The following KLF12 variants were observed in gnomAD, a reference collection of about 807,000 sequenced individuals.
The protein encoded by KLF12 is Krueppel-like factor 12.
In KLF12, 9 loss-of-function variants were observed where a neutral mutation model predicts 37.8. That is an observed-to-expected ratio of 0.24 (90% CI 0.14 to 0.42). The LOEUF is 0.42. KLF12 is among the 10% of genes least tolerant of loss of function. The pLI is 1.00. For missense variants in KLF12, 411 were observed against 516.0 expected (o/e 0.80, Z 1.97); for synonymous variants, 208 against 202.1 (o/e 1.03, Z -0.25).
chr13:74,238,857 G>C, the KLF12 span, among the ~76,000 whole-genome samples: 65 of 152,084 alleles, frequency 4.3e-4, no homozygotes, highest in African/African-American at 1.5e-3. Context: ...CTTGCTAGCG[G>C]TCTGTCAATT....
At chr13:73,789,073 C>A (rs1454807331) in intron 5 of KLF12, among the ~76,000 whole-genome samples, 1 of 151,390 alleles carries the variant, frequency 6.6e-6, no homozygotes, top group Non-Finnish European at 1.5e-5. Flanking sequence ...TTTTCATTTT[C>A]CTTTGATGAG....
At chr13:73,778,909 G>A (rs4885120) in intron 5 of KLF12, among the ~76,000 whole-genome samples, 19,919 of 152,114 alleles carry the variant, frequency 0.13, 1,533 homozygotes, top group East Asian at 0.28. Flanking sequence ...GTAGACATAA[G>A]CTAGAATGAC....
intron 3 of KLF12, among the ~76,000 whole-genome samples, chr13:73,847,100 CAG>C (rs1022768257): frequency 6.6e-6 from 1 of 152,012 alleles, no homozygotes; most frequent in African/African-American, 2.4e-5. Flanking sequence ...AGATTTTACC[CAG>C]ACTAATGTGA....
At chr13:74,187,355 G>T in the KLF12 span, among the ~76,000 whole-genome samples, 1 of 151,810 alleles carries the variant, frequency 6.6e-6, no homozygotes, top group African/African-American at 2.4e-5. Context: ...AAAAACAATC[G>T]CAGGCTCAGT....
chr13:74,246,780 A>C, the KLF12 span, among the ~76,000 whole-genome samples: 3 of 152,338 alleles, frequency 2.0e-5, no homozygotes, highest in East Asian at 5.8e-4. Context: ...TAGAAGTCAG[A>C]GGGCTGTGGC....
chr13:74,051,079 C>T (rs943229834), intron 1 of KLF12, among the ~76,000 whole-genome samples: 1 of 152,058 alleles, frequency 6.6e-6, no homozygotes. Context: ...TTTTACACTG[C>T]TGGTGGGAAC....
the KLF12 span, among the ~76,000 whole-genome samples, chr13:74,241,719 GC>G: frequency 2.6e-5 from 4 of 152,180 alleles, no homozygotes; most frequent in Non-Finnish European, 4.4e-5. Context: ...TTTTCCAGGT[GC>G]CGTCCGTCAC....
At chr13:74,019,402 T>C (rs1892783369) in intron 1 of KLF12, among the ~76,000 whole-genome samples, 1 of 152,232 alleles carries the variant, frequency 6.6e-6, no homozygotes, top group Non-Finnish European at 1.5e-5. Flanking sequence ...GTAACTCTCT[T>C]TGGATAAGCA....
chr13:74,229,714 A>G, the KLF12 span, among the ~76,000 whole-genome samples: 1 of 152,204 alleles, frequency 6.6e-6, no homozygotes, highest in Non-Finnish European at 1.5e-5. Flanking sequence ...GGGGCAGCCC[A>G]GGAGCCACTA....
the KLF12 span, among the ~76,000 whole-genome samples, chr13:74,296,808 T>C: frequency 2.0e-5 from 3 of 152,234 alleles, 1 homozygote; most frequent in African/African-American, 7.2e-5. Flanking sequence ...ATCATGCAAA[T>C]TGCTGTGTGT....
At chr13:73,899,817 G>A (rs1887957312) in intron 3 of KLF12, among the ~76,000 whole-genome samples, 1 of 152,078 alleles carries the variant, frequency 6.6e-6, no homozygotes, top group African/African-American at 2.4e-5. Context: ...CTGGTTCTTG[G>A]GCTTTGGGAC....
At chr13:74,136,646 C>G (rs1040907328), upstream of KLF12, among the ~76,000 whole-genome samples, 1 of 152,090 alleles carries the variant, frequency 6.6e-6, no homozygotes, top group Admixed American at 6.5e-5. Context: ...CACTGCCTTC[C>G]TATGGCATAA....
At chr13:74,204,643 G>T in the KLF12 span, among the ~76,000 whole-genome samples, 1 of 152,186 alleles carries the variant, frequency 6.6e-6, no homozygotes, top group African/African-American at 2.4e-5. Context: ...AGAATGGCTT[G>T]CCTTCTTCTC....
chr13:73,724,204 T>C (rs765396073), intron 6 of KLF12, among the ~76,000 whole-genome samples: 42 of 151,936 alleles, frequency 2.8e-4, no homozygotes, highest in Non-Finnish European at 1.3e-4. Flanking sequence ...TGGAATACTA[T>C]GCAGCCATAA....
chr13:73,919,277 A>G (rs893333813), intron 3 of KLF12, among the ~76,000 whole-genome samples: 3 of 152,242 alleles, frequency 2.0e-5, no homozygotes, highest in South Asian at 2.1e-4. Flanking sequence ...ATGGTTATCC[A>G]TAAGTTGAAT....
Position 73,839,258 on chromosome 13 carries a change from A to T in KLF12, c.670+6569T>A, listed in dbSNP as rs5028616. Among the ~76,000 whole-genome samples, 773 of 112,984 alleles carry T rather than the reference A, an allele frequency of 6.8e-3. 19 individuals carry two copies. The highest frequency in any genetic ancestry group is 0.016 in the East Asian group (32 of 2,012). 74.1% of individuals were successfully genotyped at this position (112,984 alleles called of 152,430 possible). ...CAGGTGCTTACCACCATACCTGGTT[A>T]TTTTTTTTTTTTTTTTGTATTTTTG... On this transcript the variant is annotated intron_variant, in intron 4 of 7. Transcript: ENST00000377669.
At chr13:74,065,705 G>C (rs1873873645) in intron 1 of KLF12, among the ~76,000 whole-genome samples, 1 of 152,030 alleles carries the variant, frequency 6.6e-6, no homozygotes, top group Non-Finnish European at 1.5e-5. Context: ...AAGCAGTGTA[G>C]GAGTGACGTG....
chr13:73,688,475 T>C lies in KLF12; in HGVS notation c.*7015A>G, dbSNP rs1254059461. On this transcript the variant is annotated 3_prime_UTR_variant, in exon 8 of 8. Coordinates refer to ENST00000377669, the MANE Select transcript of KLF12 (RefSeq NM_007249.5). Reference sequence around the variant, plus strand: ...GTTCCATGGGGGTGAAAATTTCAAATGCATCTGAAGCAGATTCTAGAATGT... The same window carrying C: ...GTTCCATGGGGGTGAAAATTTCAAACGCATCTGAAGCAGATTCTAGAATGT... 1 of 152,136 alleles carries C rather than the reference T, an allele frequency of 6.6e-6. No homozygotes were observed. The highest frequency in any genetic ancestry group is 1.9e-4 in the East Asian group (1 of 5,182). The allele number at this position is 152,136 out of a possible 1,614,324, so 9.4% of individuals were successfully genotyped here.
chr13:74,197,703 T>C, the KLF12 span, among the ~76,000 whole-genome samples: 281 of 152,308 alleles, frequency 1.8e-3, no homozygotes, highest in Non-Finnish European at 2.3e-3. Context: ...ATCAAGCAAA[T>C]ATAATGTAAT....
Sources: allele counts gnomAD v4.1 joint callset (sites outside exome capture counted in the v4.1 genomes callset), GRCh38; gene constraint gnomAD v4.1.1; transcripts MANE v1.5; gene names NCBI Gene and HGNC (gene_info 2026-07-23, HGNC 2026-07-21).